The following SLIT1 variants were observed in gnomAD, a reference collection of about 807,000 sequenced individuals.
SLIT1 encodes slit homolog 1 protein.
A neutral mutation model predicts 186.1 loss-of-function variants in SLIT1; 66 were observed. The observed-to-expected ratio is 0.35, with a 90% confidence interval of 0.29 to 0.44. The LOEUF (loss-of-function observed/expected upper bound fraction) is 0.44, where lower values mean the gene tolerates loss of function less well. Ranked by LOEUF, SLIT1 falls within the 20% of genes least tolerant of loss-of-function variation. SLIT1 has a pLI of 1.00. For missense variants in SLIT1, 1,638 were observed against 2,037.4 expected, an observed-to-expected ratio of 0.80 and a Z score of 3.77; for synonymous variants, 761 against 833.8, an observed-to-expected ratio of 0.91 and a Z score of 1.50.
intron 4 of SLIT1, among the ~76,000 whole-genome samples, chr10:97,078,569 G>C (rs1311196976): frequency 6.6e-6 from 1 of 152,218 alleles, no homozygotes; most frequent in Non-Finnish European, 1.5e-5. Flanking sequence ...TGAAAGTTCA[G>C]CCCTGCCAAG....
At chr10:97,163,273 G>A (rs1589417347) in intron 3 of SLIT1, 107 bp downstream of exon 3, 1 of 918,740 alleles carries the variant, frequency 1.1e-6, no homozygotes, top group African/African-American at 1.6e-5. Context: ...GGCTGGGCAT[G>A]GGGTCCCCTC....
chr10:97,113,557 G>GT (rs61679099), intron 4 of SLIT1, among the ~76,000 whole-genome samples: 4,117 of 129,570 alleles, frequency 0.032, 69 homozygotes, highest in African/African-American at 0.059. Flanking sequence ...TTTCTTTTAG[G>GT]TTTTTTTTTT....
intron 4 of SLIT1, among the ~76,000 whole-genome samples, chr10:97,122,894 CCTGT>C: frequency 6.6e-6 from 1 of 151,010 alleles, no homozygotes; most frequent in East Asian, 1.9e-4. Flanking sequence ...CTATATTTCA[CCTGT>C]CTATTTCACC....
At chr10:97,125,040 C>G (rs948820926) in intron 4 of SLIT1, among the ~76,000 whole-genome samples, 1 of 152,156 alleles carries the variant, frequency 6.6e-6, no homozygotes, top group African/African-American at 2.4e-5. Context: ...TTCAGCCCAT[C>G]AAACTGGCAA....
At chr10:97,105,094 C>G (rs374542072) in intron 4 of SLIT1, among the ~76,000 whole-genome samples, 4 of 152,126 alleles carry the variant, frequency 2.6e-5, no homozygotes, top group African/African-American at 9.7e-5. Context: ...GATACTCAGC[C>G]AAGATGCTGA....
At chr10:97,062,180 C>G (rs1482698363) in intron 8 of SLIT1, among the ~76,000 whole-genome samples, 1 of 152,194 alleles carries the variant, frequency 6.6e-6, no homozygotes, top group East Asian at 1.9e-4. Flanking sequence ...AAGAGACATG[C>G]ACACAGGTTT....
At chr10:97,089,606 C>T (rs776203666) in intron 4 of SLIT1, among the ~76,000 whole-genome samples, 12 of 152,198 alleles carry the variant, frequency 7.9e-5, no homozygotes. Context: ...GAATTCTGGC[C>T]GCTGCAGCCC....
intron 4 of SLIT1, among the ~76,000 whole-genome samples, chr10:97,152,059 G>C (rs181536063): frequency 6.6e-6 from 1 of 152,262 alleles, no homozygotes; most frequent in East Asian, 1.9e-4. Context: ...AATGCCTCCA[G>C]GGCAGCATCA....
chr10:97,111,415 C>T (rs774197514), intron 4 of SLIT1, among the ~76,000 whole-genome samples: 34 of 152,088 alleles, frequency 2.2e-4, no homozygotes, highest in Admixed American at 4.6e-4. Flanking sequence ...CTCACAGCCA[C>T]TATGCAAGAT....
chr10:97,165,505 C>CG (rs1850092779), intron 1 of SLIT1, among the ~76,000 whole-genome samples: 1 of 152,158 alleles, frequency 6.6e-6, no homozygotes, highest in Non-Finnish European at 1.5e-5. Flanking sequence ...CTGCACACGA[C>CG]GGGGAGGGAG....
At chr10:97,065,555 C>A in intron 5 of SLIT1, 1 of 163,716 alleles carries the variant, frequency 6.1e-6, no homozygotes, top group Non-Finnish European at 1.3e-5. Context: ...TCATTTAAAC[C>A]TCAGAACATG....
chr10:97,146,129 C>T (rs1298207386), intron 4 of SLIT1, among the ~76,000 whole-genome samples: 3 of 152,220 alleles, frequency 2.0e-5, no homozygotes, highest in Admixed American at 2.0e-4. Flanking sequence ...TGATTCCAAA[C>T]TATAGGATTC....
At chr10:97,011,335 G>T (rs1366614994) in intron 30 of SLIT1, among the ~76,000 whole-genome samples, 5 of 152,136 alleles carry the variant, frequency 3.3e-5, no homozygotes, top group African/African-American at 1.2e-4. Flanking sequence ...TTTCCTAGTA[G>T]AAGAGAGCTC....
rs1385249268 is a variant in SLIT1 at position 97,021,315 on chromosome 10, G to A, written c.2681C>T (p.Ala894Val). 2 of 1,614,198 alleles carry A rather than the reference G, an allele frequency of 1.2e-6. No homozygotes were observed. The highest frequency in any genetic ancestry group is 1.7e-5 in the Admixed American group (1 of 60,024). ...GYKEPGIARC[A>V]GPQDMEGKLL... ...CTTGCCCTCCATGTCCTGGGGCCCA[G>A]CACAACGAGCAATGCCCGGTTCCTT... Residue 894 changes from alanine (A) to valine (V), a missense_variant, in exon 26 of 37, where the codon GCT (alanine) becomes GTT (valine). Around this residue, in one of 3 missense-constraint regions of SLIT1, gnomAD observed 1,245 missense variants for 1,535.3 expected, o/e 0.81. Transcript: ENST00000266058. The surrounding 1 kb of genome is among the most constrained non-coding windows in gnomAD (Gnocchi z 4.5).
intron 25 of SLIT1, 66 bp downstream of exon 25, chr10:97,030,691 A>T: frequency 7.7e-7 from 1 of 1,296,894 alleles, no homozygotes; most frequent in Non-Finnish European, 1.1e-6. Context: ...AGGAGGTGGG[A>T]TCTTCTCAGA....
At chr10:97,091,364 G>C (rs1849229887) in intron 4 of SLIT1, among the ~76,000 whole-genome samples, 1 of 152,210 alleles carries the variant, frequency 6.6e-6, no homozygotes, top group Admixed American at 6.5e-5. Context: ...ATTAGGGTCT[G>C]TCCTCTGTGC....
chr10:97,057,791 G>A, intron 11 of SLIT1: 1 of 521,002 alleles, frequency 1.9e-6, no homozygotes, highest in South Asian at 3.1e-5. Flanking sequence ...TTTCTGCATT[G>A]AGCATGAATT....
chr10:97,076,929 C>T (rs2134650439), intron 4 of SLIT1, among the ~76,000 whole-genome samples: 1 of 152,284 alleles, frequency 6.6e-6, no homozygotes, highest in Non-Finnish European at 1.5e-5. Context: ...TGCCACAAGC[C>T]CAGTTTCCTT....
intron 1 of SLIT1, among the ~76,000 whole-genome samples, chr10:97,171,298 T>C (rs1313014021): frequency 5.9e-5 from 9 of 151,922 alleles, no homozygotes; most frequent in Admixed American, 5.9e-4. Flanking sequence ...GTAGCCCGGG[T>C]GCATTTGCCC....
Sources: allele counts gnomAD v4.1 joint callset (sites outside exome capture counted in the v4.1 genomes callset), GRCh38; gene constraint gnomAD v4.1.1; regional missense constraint gnomAD v4.1.1; non-coding constraint Gnocchi (gnomAD v3.1); transcripts MANE v1.5; gene names NCBI Gene and HGNC (gene_info 2026-07-23, HGNC 2026-07-21).